Variants in ZMIZ1 observed in about 807,000 individuals in gnomAD.
ZMIZ1 encodes zinc finger MIZ-type containing 1.
In ZMIZ1, 17 loss-of-function variants were observed where a neutral mutation model predicts 113.9. The observed-to-expected ratio is 0.15, with a 90% CI of 0.10 to 0.22. The LOEUF is 0.22. ZMIZ1 is among the 10% of genes least tolerant of loss of function. The probability of loss-of-function intolerance (pLI) is 1.00; values close to 1 mark genes in which losing one functional copy is unlikely to be tolerated. For synonymous variants in ZMIZ1, 607 were observed against 603.1 expected (o/e 1.01, Z -0.09); for missense variants, 1,059 against 1,477.8 (o/e 0.72, Z 4.65).
Position 79,296,294 on chromosome 10 carries a change from C to T in ZMIZ1, c.1231-177C>T. 7.0e-6 allele frequency: 5 copies of T among 710,372 alleles called. No individual in the cohort carries two copies. In the Admixed American group the frequency reaches 1.0e-4, roughly 15 times the overall value. 44.0% of individuals were successfully genotyped at this position (710,372 alleles called of 1,614,324 possible). On this transcript the variant is annotated intron_variant, in intron 12 of 24. Coordinates refer to ENST00000334512, the MANE Select transcript of ZMIZ1 (RefSeq NM_020338.4). The surrounding 1 kb of genome is among the most constrained non-coding windows in gnomAD (Gnocchi z 4.1). ...TGGCCTATGATCTGGACAGGCAGAA[C>T]AAAATGCCCCTGGATGTCAGGACGA...
chr10:79,284,309 G>T (rs759443463), intron 8 of ZMIZ1, among the ~76,000 whole-genome samples: 23 of 152,250 alleles, frequency 1.5e-4, no homozygotes, highest in Non-Finnish European at 3.1e-4. Flanking sequence ...AAGTGTCCTT[G>T]GTTCTGCTTA....
chr10:79,302,290 CA>C, intron 18 of ZMIZ1, 78 bp downstream of exon 18: 1 of 1,437,916 alleles, frequency 7.0e-7, no homozygotes, highest in Non-Finnish European at 9.7e-7. Context: ...AGTCACCATT[CA>C]CCTGGAACTG....
intron 7 of ZMIZ1, among the ~76,000 whole-genome samples, chr10:79,259,726 C>T (rs1385462162): frequency 6.6e-6 from 1 of 151,988 alleles, no homozygotes; most frequent in Non-Finnish European, 1.5e-5. Context: ...AGTGATTCTC[C>T]TGCCTCAGCC....
Position 79,140,689 on chromosome 10 carries a change from C to A in ZMIZ1, c.-131+912C>A, listed in dbSNP as rs564720385. On this transcript the variant is annotated intron_variant, in intron 3 of 24. Coordinates refer to ENST00000334512, the MANE Select transcript of ZMIZ1 (RefSeq NM_020338.4). ...CCAACTACTTACCCACCCATTCCCC[C>A]CATCCACCCATCTATTTACTCTTTA... 4.4e-4 allele frequency among the ~76,000 whole-genome samples: 67 copies of A among 152,318 alleles called. No homozygotes were observed. In the South Asian group the frequency reaches 0.011, roughly 25 times the overall value.
At position 79,146,241 on chromosome 10, in the gene ZMIZ1, G is replaced by A. The variant is rs780154; in HGVS notation, c.-131+6464G>A. Among the ~76,000 whole-genome samples, 849 of 152,236 alleles carry A rather than the reference G, an allele frequency of 5.6e-3. 1 individual carries two copies. The highest frequency in any genetic ancestry group is 8.6e-3 in the Non-Finnish European group (582 of 68,002). ...CGCTCTGCCTGTCAAGAGATGTGGC[G>A]TCCTTCTGTCTTAGTGGGCCCATCT... is the stretch of plus-strand genomic sequence containing the variant. On this transcript the variant is annotated intron_variant, in intron 3 of 24. Transcript: ENST00000334512.
chr10:79,285,590 A>T (rs1353318041), intron 8 of ZMIZ1: 1 of 455,954 alleles, frequency 2.2e-6, no homozygotes, highest in African/African-American at 2.0e-5. Flanking sequence ...GCTTAACGAA[A>T]TGGACATATT....
rs569002898 is a variant in ZMIZ1, at chr10:79,238,206, C to T, written c.280+21932C>T. ...CCTGGCAGGATGCTTTCCTGGAACC[C>T]CAGTAACCTTGCCCTTGTAGAACTT... On this transcript the variant is annotated intron_variant, in intron 7 of 24. Coordinates refer to ENST00000334512, the MANE Select transcript of ZMIZ1 (RefSeq NM_020338.4). Among the ~76,000 whole-genome samples the T allele has an allele frequency of 1.1e-3, 164 of 152,272 alleles. 2 individuals are homozygous for T. The South Asian group carries it at 0.033, about 31-fold the overall frequency.
chr10:79,249,252 T>C (rs898684985), intron 7 of ZMIZ1, among the ~76,000 whole-genome samples: 1 of 152,236 alleles, frequency 6.6e-6, no homozygotes, highest in Non-Finnish European at 1.5e-5. Context: ...CTCCTTGCGG[T>C]CCTTAGCTCC....
At chr10:79,145,857 C>T (rs149619474) in intron 3 of ZMIZ1, among the ~76,000 whole-genome samples, 13 of 152,188 alleles carry the variant, frequency 8.5e-5, no homozygotes, top group Non-Finnish European at 1.5e-4. Context: ...TAGATGCATT[C>T]CAGCATGCCT....
chr10:79,119,319 C>T (rs894460899), intron 2 of ZMIZ1, among the ~76,000 whole-genome samples: 5 of 152,310 alleles, frequency 3.3e-5, no homozygotes, highest in East Asian at 3.9e-4. Context: ...CAGCTTTCTA[C>T]TCTAGTCCAT....
intron 4 of ZMIZ1, among the ~76,000 whole-genome samples, chr10:79,193,806 G>T (rs1459791011): frequency 6.6e-6 from 1 of 152,196 alleles, no homozygotes; most frequent in Non-Finnish European, 1.5e-5. Context: ...AAGACATGGA[G>T]GTGCGATCTT....
chr10:79,180,640 GC>G (rs1847081346), intron 4 of ZMIZ1, among the ~76,000 whole-genome samples: 1 of 152,170 alleles, frequency 6.6e-6, no homozygotes, highest in Admixed American at 6.5e-5. Flanking sequence ...CTCTGGAGTG[GC>G]CCCAAGCAAA....
In ZMIZ1 at chr10:79,306,364, G is replaced by A. The variant is rs1167771414; in HGVS notation, c.2668+20G>A. On this transcript the variant is annotated intron_variant, in intron 22 of 24. Transcript: ENST00000334512. ...GCCAAGGTGGGTGATGCCAGGCAGG[G>A]AGGAAGGGAGAAGGAGGGCAGCCCC... is the stretch of plus-strand genomic sequence containing the variant. The A allele has an allele frequency of 6.2e-7, 1 of 1,603,416 alleles. No individual in the cohort carries two copies. The highest frequency in any genetic ancestry group is 1.7e-5 in the Admixed American group (1 of 59,980).
At chr10:79,141,215 C>T (rs1182642477) in intron 3 of ZMIZ1, among the ~76,000 whole-genome samples, 2 of 152,124 alleles carry the variant, frequency 1.3e-5, no homozygotes, top group Non-Finnish European at 2.9e-5. Context: ...CATTCATTCC[C>T]CAGGTGTTGA....
Position 79,145,878 on chromosome 10 carries a change from T to A in ZMIZ1, c.-131+6101T>A, listed in dbSNP as rs545348216. ...CATTCCAGCATGCCTGGCTAATTTTTAAAATTTTTATTAGAGACAAGGTCT... is the reference window on the plus strand; with the variant it reads ...CATTCCAGCATGCCTGGCTAATTTTAAAAATTTTTATTAGAGACAAGGTCT... On this transcript the variant is annotated intron_variant, in intron 3 of 24. Transcript: ENST00000334512. Among the ~76,000 whole-genome samples, 9 of 152,298 alleles carry A rather than the reference T, an allele frequency of 5.9e-5. 1 individual carries two copies. In the East Asian group the frequency reaches 9.7e-4, roughly 16 times the overall value.
At chr10:79,293,088 C>T (rs1211165743) in intron 11 of ZMIZ1, among the ~76,000 whole-genome samples, 2 of 152,146 alleles carry the variant, frequency 1.3e-5, no homozygotes, top group Non-Finnish European at 2.9e-5. Context: ...TTCTGCCTGC[C>T]TCCCTCCCTG....
chr10:79,116,917 G>A (rs1844059620), intron 1 of ZMIZ1, among the ~76,000 whole-genome samples: 1 of 152,242 alleles, frequency 6.6e-6, no homozygotes, highest in Non-Finnish European at 1.5e-5. Flanking sequence ...AAACTTGGTG[G>A]CTTAAAGCAG....
rs376274321 is a variant in ZMIZ1 at position 79,201,631 on chromosome 10, G to C, written c.-2G>C. On this transcript the variant is annotated 5_prime_UTR_variant, in exon 5 of 25. Coordinates refer to ENST00000334512, the MANE Select transcript of ZMIZ1 (RefSeq NM_020338.4). ...CGGGTAGAACCTAGTGAAACGGCCA[G>C]AATGAATTCTATGGACAGGCACATC... The C allele has an allele frequency of 1.2e-6, 2 of 1,613,552 alleles. No homozygotes were observed. Among genetic ancestry groups the C allele is most frequent in the Non-Finnish European group, 1.7e-6 (2 of 1,179,844 alleles).
intron 7 of ZMIZ1, among the ~76,000 whole-genome samples, chr10:79,246,006 A>G (rs1337237559): frequency 6.6e-6 from 1 of 152,256 alleles, no homozygotes; most frequent in Non-Finnish European, 1.5e-5. Context: ...CTCAGAGCCC[A>G]CAAGTGTAAC....
Sources: gnomAD v4.1 joint callset for allele counts (sites outside exome capture counted in the v4.1 genomes callset) on GRCh38, gnomAD v4.1.1 for gene constraint, Gnocchi (gnomAD v3.1) non-coding constraint, MANE v1.5 for transcripts, NCBI Gene and HGNC (gene_info 2026-07-23, HGNC 2026-07-21) for gene names.